The following FYB1 variants were observed in gnomAD, a reference collection of about 807,000 sequenced individuals.
The protein encoded by FYB1 is FYN binding protein 1.
A neutral mutation model predicts 94.1 loss-of-function variants in FYB1; 41 were observed. The observed-to-expected ratio is 0.44, with a 90% confidence interval of 0.34 to 0.57. The LOEUF (loss-of-function observed/expected upper bound fraction) is 0.57, where lower values mean the gene tolerates loss of function less well. Among genes scored for constraint, FYB1 ranks in the 20% least tolerant of loss-of-function variants. FYB1 has a pLI of 0.02. For synonymous variants in FYB1, 367 were observed against 353.2 expected, an observed-to-expected ratio of 1.04 and a Z score of -0.44; for missense variants, 1,050 against 976.8, an observed-to-expected ratio of 1.07 and a Z score of -1.00.
intron 1 of FYB1, among the ~76,000 whole-genome samples, chr5:39,234,223 C>T (rs543830707): frequency 1.3e-5 from 2 of 152,146 alleles, no homozygotes; most frequent in South Asian, 4.2e-4. Flanking sequence ...TTCATCAAGG[C>T]TGTTTTTGTT....
intron 2 of FYB1, among the ~76,000 whole-genome samples, chr5:39,188,360 T>G (rs1010156758): frequency 6.6e-6 from 1 of 152,178 alleles, no homozygotes; most frequent in Non-Finnish European, 1.5e-5. Context: ...CATGTTTTGA[T>G]GTAATCACTA....
chr5:39,245,259 G>T (rs951243819), intron 1 of FYB1, among the ~76,000 whole-genome samples: 6 of 152,106 alleles, frequency 3.9e-5, no homozygotes, highest in Admixed American at 6.6e-5. Flanking sequence ...GAGATATAGG[G>T]TCAAAATACC....
At chr5:39,149,328 A>G (rs1251382471) in intron 3 of FYB1, among the ~76,000 whole-genome samples, 1 of 152,100 alleles carries the variant, frequency 6.6e-6, no homozygotes, top group Non-Finnish European at 1.5e-5. Flanking sequence ...TCCTTCCTTG[A>G]TCCCAATTAG....
intron 1 of FYB1, among the ~76,000 whole-genome samples, chr5:39,245,868 G>C (rs750322809): frequency 1.1e-4 from 16 of 152,182 alleles, no homozygotes; most frequent in Non-Finnish European, 1.2e-4. Flanking sequence ...CCAAAGTGGT[G>C]GGATTACAGG....
At chr5:39,188,677 G>C (rs183001790) in intron 2 of FYB1, among the ~76,000 whole-genome samples, 1 of 151,402 alleles carries the variant, frequency 6.6e-6, no homozygotes, top group African/African-American at 2.4e-5. Flanking sequence ...GGTTACAGGC[G>C]CCTGCCACCA....
chr5:39,247,044 T>C (rs1751504241), intron 1 of FYB1, among the ~76,000 whole-genome samples: 1 of 139,174 alleles, frequency 7.2e-6, no homozygotes. Context: ...GCCCATAAGA[T>C]AATGGTGCAC....
chr5:39,251,337 T>C (rs558386816), intron 1 of FYB1, among the ~76,000 whole-genome samples: 1 of 152,294 alleles, frequency 6.6e-6, no homozygotes, highest in South Asian at 2.1e-4. Context: ...TAAATTGAAT[T>C]ACAACAATGG....
At chr5:39,139,526 TA>T (rs1184898074) in intron 4 of FYB1, 1 of 204,568 alleles carries the variant, frequency 4.9e-6, no homozygotes, top group Non-Finnish European at 9.7e-6. Flanking sequence ...TTATTACCTT[TA>T]TGAAAAGGGA....
At chr5:39,169,074 A>G in intron 2 of FYB1, 1 of 566,200 alleles carries the variant, frequency 1.8e-6, no homozygotes, top group Non-Finnish European at 3.2e-6. Context: ...TACTTGCATA[A>G]TAACTTAAAA....
At chr5:39,125,939 T>C in intron 12 of FYB1, 59 bp downstream of exon 12, 1 of 1,507,664 alleles carries the variant, frequency 6.6e-7, no homozygotes. Flanking sequence ...TTAGTAGCAT[T>C]TGATTCAATA....
chr5:39,255,445 G>A (rs1190193473), intron 1 of FYB1, among the ~76,000 whole-genome samples: 4 of 97,938 alleles, frequency 4.1e-5, no homozygotes, highest in African/African-American at 1.7e-4. Context: ...TTTTTTTTTG[G>A]ATGAGTTTCA....
intron 1 of FYB1, among the ~76,000 whole-genome samples, chr5:39,243,124 T>C (rs1324514955): frequency 1.3e-5 from 2 of 152,124 alleles, no homozygotes; most frequent in Non-Finnish European, 2.9e-5. Context: ...TCTTTTGCTG[T>C]GCAGAAGCTC....
chr5:39,252,003 G>A lies in FYB1; in HGVS notation c.-28+22400C>T, dbSNP rs541668111. Among the ~76,000 whole-genome samples, 12 of 152,150 alleles carry A rather than the reference G, an allele frequency of 7.9e-5. No individual in the cohort carries two copies. The South Asian group carries it at 2.1e-3, about 26-fold the overall frequency. The stretch of plus-strand genomic sequence containing the variant: ...ACTAAAATATAAAAAAATTTAGCCT[G>A]GAGTGGTGGCGGGCGCCTGTAGTCC... On this transcript the variant is annotated intron_variant, in intron 1 of 1. Transcript: ENST00000510188.
At chr5:39,270,466 A>AGAGGACCTGACTGTG in intron 1 of FYB1, 1 of 1,102,144 alleles carries the variant, frequency 9.1e-7, no homozygotes, top group Non-Finnish European at 1.3e-6. Context: ...CCAAAGGCTC[A>AGAGGACCTGACTGTG]GAGGACCTGA....
rs149628912 is a variant in FYB1, at chr5:39,208,135, T to C, written c.-27-5148A>G. Among the ~76,000 whole-genome samples, 407 of 152,338 alleles carry C rather than the reference T, an allele frequency of 2.7e-3. 3 individuals carry two copies. Among genetic ancestry groups the C allele is most frequent in the African/African-American group, 9.6e-3 (400 of 41,572 alleles). ...GTTGCCCACCTTTGAAAGTCTCATC[T>C]TTAGAACGTTCTTTAAAATACAAAA... On this transcript the variant is annotated intron_variant, in intron 1 of 18. Coordinates refer to ENST00000512982, the MANE Select transcript of FYB1 (RefSeq NM_001465.6).
At chr5:39,192,024 T>G (rs146015202) in intron 2 of FYB1, among the ~76,000 whole-genome samples, 1 of 152,354 alleles carries the variant, frequency 6.6e-6, no homozygotes, top group East Asian at 1.9e-4. Context: ...GAAGAAGCCT[T>G]TAATGGCAAA....
At chr5:39,264,931 T>C (rs1752361656) in intron 1 of FYB1, among the ~76,000 whole-genome samples, 1 of 152,222 alleles carries the variant, frequency 6.6e-6, no homozygotes, top group African/African-American at 2.4e-5. Flanking sequence ...CAAGGTATTT[T>C]ATTTATTTGT....
chr5:39,144,978 A>G (rs1164409235), intron 3 of FYB1, among the ~76,000 whole-genome samples: 1 of 152,190 alleles, frequency 6.6e-6, no homozygotes, highest in Non-Finnish European at 1.5e-5. Context: ...TTTTAGGAAT[A>G]ACTACTGAAA....
Position 39,135,004 on chromosome 5 carries a change from G to C in FYB1, c.1526C>G (p.Pro509Arg). 1 of 1,613,030 alleles carries C rather than the reference G, an allele frequency of 6.2e-7. No homozygotes were observed. Among genetic ancestry groups the C allele is most frequent in the Admixed American group, 1.7e-5 (1 of 59,846 alleles). ...TTTTGCAAGATGGATGACTTGAATA[G>C]GGCCTGTTAGCTGCAAAGAGAAAAA... Reference protein sequence around the residue: ...EIKKKFKLTGPIQVIHLAKAC... With the variant: ...EIKKKFKLTGRIQVIHLAKAC... Residue 509 changes from proline (P) to arginine (R), a missense_variant, in exon 8 of 19, where the codon CCT becomes CGT. Physicochemically the swap from Pro to Arg is moderately radical, Grantham distance 103 (BLOSUM62 -2). Coordinates refer to ENST00000512982, the MANE Select transcript of FYB1 (RefSeq NM_001465.6).
Sources: allele counts gnomAD v4.1 joint callset (sites outside exome capture counted in the v4.1 genomes callset), GRCh38; gene constraint gnomAD v4.1.1; transcripts MANE v1.5; gene names NCBI Gene and HGNC (gene_info 2026-07-23, HGNC 2026-07-21).